The following IRGQ variants were observed in gnomAD, a reference collection of about 807,000 sequenced individuals.
IRGQ encodes the protein immunity-related GTPase family Q protein.
In IRGQ, 5 loss-of-function variants were observed where a neutral mutation model predicts 10.5. The ratio of observed to expected loss-of-function variants is 0.48; its 90% CI spans 0.25 to 1.00. IRGQ has a LOEUF of 1.00. Ranked by LOEUF, IRGQ falls within the 50% of genes least tolerant of loss-of-function variation. The pLI, the probability that IRGQ is intolerant of heterozygous loss-of-function variation, is 0.16. For missense variants in IRGQ, 792 were observed against 877.7 expected, an observed-to-expected ratio of 0.90 and a Z score of 1.23; for synonymous variants, 418 against 426.0, an observed-to-expected ratio of 0.98 and a Z score of 0.23.
Position 43,591,831 on chromosome 19 carries a change from AG to A in IRGQ, c.*194del. The A allele has an allele frequency of 3.7e-6, 2 of 540,224 alleles. No individual in the cohort carries two copies. Among genetic ancestry groups the A allele is most frequent in the Non-Finnish European group, 6.2e-6 (2 of 324,542 alleles). The allele number at this position is 540,224 out of a possible 1,614,324, so 33.5% of individuals were successfully genotyped here. A position where few individuals can be genotyped will look rare whatever the true frequency, so the allele number is the denominator to read the frequency against. ...CCATTGCACTCCAGCCTGGGCAACA[AG>A]AGACTTCGTCTCACAAAAAAAAGAA... On this transcript the variant is annotated 3_prime_UTR_variant, in exon 3 of 3. Transcript: ENST00000422989.
Position 43,593,305 on chromosome 19 carries a change from C to A in IRGQ, c.593G>T (p.Arg198Leu). 5.1e-6 allele frequency: 8 copies of A among 1,582,386 alleles called. No individual in the cohort carries two copies. Among genetic ancestry groups the A allele is most frequent in the Admixed American group, 1.8e-5 (1 of 54,700 alleles). Reference protein sequence around the residue: ...VLGAAELEAVREAFETGGLEA... With the variant: ...VLGAAELEAVLEAFETGGLEA... Reference sequence around the variant, plus strand: ...AAGGCCGCCGGTCTCAAAGGCCTCACGCACAGCCTCTAGCTCTGCTGCACC... The same window carrying A: ...AAGGCCGCCGGTCTCAAAGGCCTCAAGCACAGCCTCTAGCTCTGCTGCACC... Residue 198 changes from arginine to leucine, a missense_variant, in exon 3 of 3, where the codon CGT becomes CTT. Transcript: ENST00000422989. The surrounding 1 kb of genome is among the most constrained non-coding windows in gnomAD (Gnocchi z 6.4).
At position 43,587,499 on chromosome 19, in the gene IRGQ, AG is replaced by A. The variant is rs1326861042; in HGVS notation, c.*4526del. On this transcript the variant is annotated 3_prime_UTR_variant, in exon 3 of 3. Transcript: ENST00000422989. Reference sequence around the variant, plus strand: ...TATGAATTTTATGAAATCAAAATAAAGGTCAAGCATTTCAGATAAAAATGTA... The same window carrying A: ...TATGAATTTTATGAAATCAAAATAAAGTCAAGCATTTCAGATAAAAATGTA... 6.6e-6 allele frequency: 1 copy of A among 152,250 alleles called. No individual in the cohort carries two copies. Among genetic ancestry groups the A allele is most frequent in the East Asian group, 1.9e-4 (1 of 5,206 alleles). The allele number at this position is 152,250 out of a possible 1,614,324, so 9.4% of individuals were successfully genotyped here. A position where few individuals can be genotyped will look rare whatever the true frequency, so the allele number is the denominator to read the frequency against.
At chr19:43,594,786 C>G in intron 2 of IRGQ, 23 bp downstream of exon 2, 1 of 1,577,268 alleles carries the variant, frequency 6.3e-7, no homozygotes, top group African/African-American at 1.3e-5. Context: ...ACTAACGGAC[C>G]CAGCCAGAAA....
rs1973060854 is a variant in IRGQ, at chr19:43,591,945, G to A, written c.*81C>T. The A allele has an allele frequency of 1.4e-6, 2 of 1,415,166 alleles. No homozygotes were observed. The highest frequency in any genetic ancestry group is 4.7e-5 in the East Asian group (2 of 42,958). The allele number at this position is 1,415,166 out of a possible 1,614,324, so 87.7% of individuals were successfully genotyped here. Reference sequence around the variant, plus strand: ...CACACATCCCAGCTGGAAGTCAAGAGTCCACATCCCCTTCAAGCACCCAGG... The same window carrying A: ...CACACATCCCAGCTGGAAGTCAAGAATCCACATCCCCTTCAAGCACCCAGG... On this transcript the variant is annotated 3_prime_UTR_variant, in exon 3 of 3. Transcript: ENST00000422989.
chr19:43,594,219 A>G (rs1207713441), intron 2 of IRGQ, among the ~76,000 whole-genome samples: 2 of 152,230 alleles, frequency 1.3e-5, no homozygotes, highest in African/African-American at 2.4e-5. Context: ...CTGTAATCCC[A>G]GCACTTTGGG....
Position 43,593,512 on chromosome 19 carries a change from C to A in IRGQ, c.531-145G>T, listed in dbSNP as rs924593951. On this transcript the variant is annotated intron_variant, in intron 2 of 2. Transcript: ENST00000422989. The surrounding 1 kb of genome is among the most constrained non-coding windows in gnomAD (Gnocchi z 6.4). The stretch of plus-strand genomic sequence containing the variant: ...GGGAAGGGCCAGACTGATGGCACAG[C>A]AAATAGAAACCAGATAGGGAGAGGC... The A allele has an allele frequency of 8.7e-6, 6 of 690,922 alleles. No homozygotes were observed. The highest frequency in any genetic ancestry group is 1.3e-5 in the Non-Finnish European group (6 of 473,464). 42.8% of individuals were successfully genotyped at this position (690,922 alleles called of 1,614,324 possible).
Position 43,593,290 on chromosome 19 carries a change from G to A in IRGQ, c.608C>T (p.Thr203Ile). Reference sequence around the variant, plus strand: ...CGACAGCGCAGCCTCAAGGCCGCCGGTCTCAAAGGCCTCACGCACAGCCTC... The same window carrying A: ...CGACAGCGCAGCCTCAAGGCCGCCGATCTCAAAGGCCTCACGCACAGCCTC... ...ELEAVREAFETGGLEAALSWV... is the reference protein window; with the variant it reads ...ELEAVREAFEIGGLEAALSWV... The change falls in exon 3 of 3, where the codon ACC (threonine) becomes ATC (isoleucine). Residue 203 changes from threonine to isoleucine, a missense_variant. Thr to Ile is a moderately conservative substitution (Grantham distance 89). Transcript: ENST00000422989. This position sits in a 1 kb window ranked among gnomAD's most constrained non-coding sequence, Gnocchi z 6.4. 1 of 1,589,978 alleles carries A rather than the reference G, an allele frequency of 6.3e-7. No homozygotes were observed. Among genetic ancestry groups the A allele is most frequent in the Non-Finnish European group, 8.6e-7 (1 of 1,167,238 alleles).
At position 43,587,198 on chromosome 19, in the gene IRGQ, C is replaced by T. The variant is rs892923633; in HGVS notation, c.*4828G>A. On this transcript the variant is annotated 3_prime_UTR_variant, in exon 3 of 3. Transcript: ENST00000422989. ...TACCAAAATTAGCCAGGCATGGTGG[C>T]ATACACCTGTAGTCCCAGCTACTCA... The T allele has an allele frequency of 6.6e-6, 1 of 152,116 alleles. No homozygotes were observed. The highest frequency in any genetic ancestry group is 6.6e-5 in the Admixed American group (1 of 15,252). The allele number at this position is 152,116 out of a possible 1,614,324, so 9.4% of individuals were successfully genotyped here.
Position 43,586,975 on chromosome 19 carries a change from C to T in IRGQ, c.*5051G>A, listed in dbSNP as rs1973001487. 6.6e-6 allele frequency: 1 copy of T among 152,180 alleles called. No individual in the cohort carries two copies. The highest frequency in any genetic ancestry group is 6.5e-5 in the Admixed American group (1 of 15,272). The allele number at this position is 152,180 out of a possible 1,614,324, so 9.4% of individuals were successfully genotyped here. A position where few individuals can be genotyped will look rare whatever the true frequency, so the allele number is the denominator to read the frequency against. On this transcript the variant is annotated 3_prime_UTR_variant, in exon 3 of 3. Coordinates refer to ENST00000422989, the MANE Select transcript of IRGQ (RefSeq NM_001007561.3). ...TAGCCACTAATCACATGTGGCTACTCAGTATTAATGTTGCACTACTGCCAA... is the reference window on the plus strand; with the variant it reads ...TAGCCACTAATCACATGTGGCTACTTAGTATTAATGTTGCACTACTGCCAA...
In IRGQ at chr19:43,591,842, C is replaced by G. The variant is rs1973058250; in HGVS notation, c.*184G>C. The G allele has an allele frequency of 5.3e-6, 3 of 569,834 alleles. No homozygotes were observed. Among genetic ancestry groups the G allele is most frequent in the Admixed American group, 6.4e-5 (2 of 31,458 alleles). 35.3% of individuals were successfully genotyped at this position (569,834 alleles called of 1,614,324 possible). A position where few individuals can be genotyped will look rare whatever the true frequency, so the allele number is the denominator to read the frequency against. ...CAGCCTGGGCAACAAGAGACTTCGTCTCACAAAAAAAAGAAAAAAAAAAAA... is the reference window on the plus strand; with the variant it reads ...CAGCCTGGGCAACAAGAGACTTCGTGTCACAAAAAAAAGAAAAAAAAAAAA... On this transcript the variant is annotated 3_prime_UTR_variant, in exon 3 of 3. Coordinates refer to ENST00000422989, the MANE Select transcript of IRGQ (RefSeq NM_001007561.3).
rs770757614 is a variant in IRGQ, at chr19:43,593,333, A to G, written c.565T>C (p.Leu189=). 2.1e-5 allele frequency: 32 copies of G among 1,534,552 alleles called. No individual in the cohort carries two copies. The highest frequency in any genetic ancestry group is 2.7e-5 in the Non-Finnish European group (31 of 1,141,024). ...LPPAQDGFEV[L]GAAELEAVRE... ...ACAGCCTCTAGCTCTGCTGCACCCA[A>G]CACCTCGAAGCCATCCTGCGCCGGT... The change falls in exon 3 of 3, where the codon TTG becomes CTG. Residue 189 remains leucine, a synonymous_variant. Coordinates refer to ENST00000422989, the MANE Select transcript of IRGQ (RefSeq NM_001007561.3). This position sits in a 1 kb window ranked among gnomAD's most constrained non-coding sequence, Gnocchi z 6.4.
In IRGQ at chr19:43,592,235, C is replaced by T. The variant is rs753926514; in HGVS notation, c.1663G>A (p.Glu555Lys). Residue 555 changes from glutamate to lysine, a missense_variant, in exon 3 of 3, where the codon GAG becomes AAG. Transcript: ENST00000422989. ...CAGGCGCCCAGTCTTGCTTCCACCT[C>T]GGCGCGCGTCACCGGGCCTGGGAAA... ...AHFPGPVTRA[E>K]VEARLGAWAG... The T allele has an allele frequency of 1.0e-5, 16 of 1,581,828 alleles. No individual in the cohort carries two copies. The highest frequency in any genetic ancestry group is 9.0e-5 in the South Asian group (8 of 89,236).
At position 43,588,034 on chromosome 19, in the gene IRGQ, C is replaced by T. The variant is rs1973013948; in HGVS notation, c.*3992G>A. On this transcript the variant is annotated 3_prime_UTR_variant, in exon 3 of 3. Transcript: ENST00000422989. The stretch of plus-strand genomic sequence containing the variant: ...CTTGTCTAATGTGGCTATTAGAAAA[C>T]TTGGCTTACTCAGCACTTTGGGAGG... 1 of 151,702 alleles carries T rather than the reference C, an allele frequency of 6.6e-6. No individual in the cohort carries two copies. Among genetic ancestry groups the T allele is most frequent in the African/African-American group, 2.4e-5 (1 of 41,144 alleles). The allele number at this position is 151,702 out of a possible 1,614,324, so 9.4% of individuals were successfully genotyped here.
intron 1 of IRGQ, 77 bp from the exon 2 acceptor site, chr19:43,595,417 C>A: frequency 1.5e-6 from 2 of 1,378,056 alleles, no homozygotes; most frequent in Non-Finnish European, 1.9e-6. Context: ...CCACTCGGAA[C>A]CCAGGCCTCA....
In IRGQ at chr19:43,591,355, G is replaced by C. The variant is rs1973051824; in HGVS notation, c.*671C>G. ...GCTCAGGTCTCCCTCCCCTATACTG[G>C]AGTTCAGGTCCCAGTCATGGACACC... On this transcript the variant is annotated 3_prime_UTR_variant, in exon 3 of 3. Coordinates refer to ENST00000422989, the MANE Select transcript of IRGQ (RefSeq NM_001007561.3). 6.6e-6 allele frequency: 1 copy of C among 152,150 alleles called. No homozygotes were observed. Among genetic ancestry groups the C allele is most frequent in the Admixed American group, 6.5e-5 (1 of 15,274 alleles). 9.4% of individuals were successfully genotyped at this position (152,150 alleles called of 1,614,324 possible).
chr19:43,595,303 GA>G lies in IRGQ; in HGVS notation c.35del (p.Phe12SerfsTer12). ...ACTTCCCCAAGCCCGGAGGCCCCAG[GA>G]ACAAGGCGGTCACGTCACCCTGCGG... Reference protein sequence around the residue: ...PPPQGDVTALFLGPPGLGKSA... With the variant: ...PPPQGDVTALXLGPPGLGKSA... On this transcript the variant is annotated frameshift_variant, in exon 2 of 3. Coordinates refer to ENST00000422989, the MANE Select transcript of IRGQ (RefSeq NM_001007561.3). LOFTEE classifies it high-confidence loss of function. The G allele has an allele frequency of 6.3e-7, 1 of 1,579,774 alleles. No homozygotes were observed. The highest frequency in any genetic ancestry group is 8.6e-7 in the Non-Finnish European group (1 of 1,162,898).
At position 43,592,907 on chromosome 19, in the gene IRGQ, T is replaced by C. The variant is rs1568527958; in HGVS notation, c.991A>G (p.Thr331Ala). The part of the protein sequence containing the change: ...LPDAPLVCVR[T>A]DGEGEDPECL... The stretch of plus-strand genomic sequence containing the variant: ...TCCGGATCCTCGCCCTCGCCGTCTG[T>C]GCGCACGCAGACAAGAGGCGCATCT... Residue 331 changes from threonine to alanine, a missense_variant, in exon 3 of 3, where the codon ACA becomes GCA. Thr to Ala is a moderately conservative substitution (Grantham distance 58). Transcript: ENST00000422989. 1.2e-6 allele frequency: 2 copies of C among 1,612,700 alleles called. No individual in the cohort carries two copies. Among genetic ancestry groups the C allele is most frequent in the African/African-American group, 2.7e-5 (2 of 74,934 alleles).
At position 43,589,124 on chromosome 19, in the gene IRGQ, TA is replaced by T. The variant is rs1479906479; in HGVS notation, c.*2901del. 5 of 152,180 alleles carry T rather than the reference TA, an allele frequency of 3.3e-5. No individual in the cohort carries two copies. Among genetic ancestry groups the T allele is most frequent in the Non-Finnish European group, 7.3e-5 (5 of 68,036 alleles). The allele number at this position is 152,180 out of a possible 1,614,324, so 9.4% of individuals were successfully genotyped here. A position where few individuals can be genotyped will look rare whatever the true frequency, so the allele number is the denominator to read the frequency against. ...CTCTTTTATTTCACAGATGGGAAAA[TA>T]AGGCACTGTCCAAGTAACACACAGT... On this transcript the variant is annotated 3_prime_UTR_variant, in exon 3 of 3. Transcript: ENST00000422989.
rs1199946294 is a variant in IRGQ, at chr19:43,586,378, A to T, written c.*5648T>A. ...AAGGCGACCACCCCCAAAAGAAGTC[A>T]TAACACTCAAGGGTGTCAATATATA... On this transcript the variant is annotated 3_prime_UTR_variant, in exon 3 of 3. Coordinates refer to ENST00000422989, the MANE Select transcript of IRGQ (RefSeq NM_001007561.3). 6.6e-6 allele frequency: 1 copy of T among 152,230 alleles called. No homozygotes were observed. The highest frequency in any genetic ancestry group is 1.5e-5 in the Non-Finnish European group (1 of 68,038). 9.4% of individuals were successfully genotyped at this position (152,230 alleles called of 1,614,324 possible).
Sources: gnomAD v4.1 joint callset for allele counts (sites outside exome capture counted in the v4.1 genomes callset) on GRCh38, gnomAD v4.1.1 for gene constraint, Gnocchi (gnomAD v3.1) non-coding constraint, MANE v1.5 for transcripts, NCBI Gene and HGNC (gene_info 2026-07-23, HGNC 2026-07-21) for gene names.